The following STAC variants were observed in gnomAD, a reference collection of about 807,000 sequenced individuals.
STAC encodes the protein SH3 and cysteine-rich domain-containing protein.
In STAC, 43 loss-of-function variants were observed where a neutral mutation model predicts 48.8. The ratio of observed to expected loss-of-function variants is 0.88; its 90% CI spans 0.69 to 1.14. The LOEUF is 1.14. Among genes scored for constraint, STAC ranks in the 50% most tolerant of loss-of-function variants. The pLI is 0.00. For synonymous variants in STAC, 193 were observed against 179.5 expected, an observed-to-expected ratio of 1.07 and a Z score of -0.60; for missense variants, 497 against 504.0, an observed-to-expected ratio of 0.99 and a Z score of 0.13.
intron 5 of STAC, among the ~76,000 whole-genome samples, chr3:36,489,948 T>C (rs1697922226): frequency 6.6e-6 from 1 of 152,218 alleles, no homozygotes; most frequent in Non-Finnish European, 1.5e-5. Context: ...CAAATTTGGG[T>C]TTCTGTCTCT....
At chr3:36,435,405 G>C (rs1700809111) in intron 1 of STAC, among the ~76,000 whole-genome samples, 1 of 152,056 alleles carries the variant, frequency 6.6e-6, no homozygotes, top group African/African-American at 2.4e-5. Flanking sequence ...CCAATTTAAA[G>C]GCAACCCTTC....
chr3:36,394,973 G>A (rs1450219896), intron 1 of STAC, among the ~76,000 whole-genome samples: 2 of 151,170 alleles, frequency 1.3e-5, no homozygotes, highest in Non-Finnish European at 2.9e-5. Flanking sequence ...GAGGGAGAGA[G>A]ATAACTCAGG....
chr3:36,470,312 CA>C (rs764058662), intron 2 of STAC, among the ~76,000 whole-genome samples: 2 of 152,178 alleles, frequency 1.3e-5, no homozygotes, highest in Non-Finnish European at 2.9e-5. Context: ...TCCTGAAAGC[CA>C]AACAGTAGTG....
chr3:36,483,440 C>A (rs1188066282), intron 3 of STAC, among the ~76,000 whole-genome samples: 2 of 152,172 alleles, frequency 1.3e-5, no homozygotes, highest in East Asian at 3.9e-4. Flanking sequence ...AAGTCCCAGG[C>A]AAACTAATGG....
intron 1 of STAC, among the ~76,000 whole-genome samples, chr3:36,420,454 T>C (rs935245765): frequency 6.6e-6 from 1 of 152,156 alleles, no homozygotes; most frequent in African/African-American, 2.4e-5. Flanking sequence ...GGAACCGGGC[T>C]ACACAGCAGG....
chr3:36,443,773 A>G lies in STAC; in HGVS notation c.388+133A>G. 1 of 1,219,130 alleles carries G rather than the reference A, an allele frequency of 8.2e-7. No homozygotes were observed. Among genetic ancestry groups the G allele is most frequent in the East Asian group, 2.4e-5 (1 of 41,642 alleles). 75.5% of individuals were successfully genotyped at this position (1,219,130 alleles called of 1,614,324 possible). ...TTTACATGTGGGAAGATCATTCAGG[A>G]GTGCTTTGGGGAACAATATTTGTGA... is the stretch of plus-strand genomic sequence containing the variant. On this transcript the variant is annotated intron_variant, in intron 2 of 10. Transcript: ENST00000273183. This position sits in a 1 kb window ranked among gnomAD's most constrained non-coding sequence, Gnocchi z 4.2.
At chr3:36,522,775 C>A (rs889833801) in intron 8 of STAC, among the ~76,000 whole-genome samples, 4 of 152,196 alleles carry the variant, frequency 2.6e-5, no homozygotes, top group African/African-American at 9.7e-5. Flanking sequence ...GTGTCCTCAT[C>A]TGGAGGGTGT....
chr3:36,448,313 C>T (rs1696577364), intron 2 of STAC, among the ~76,000 whole-genome samples: 1 of 152,074 alleles, frequency 6.6e-6, no homozygotes, highest in Non-Finnish European at 1.5e-5. Context: ...CCTCCGTCTC[C>T]TGGGTTCAAG....
chr3:36,423,908 T>C (rs1309799789), intron 1 of STAC, among the ~76,000 whole-genome samples: 1 of 152,156 alleles, frequency 6.6e-6, no homozygotes, highest in African/African-American at 2.4e-5. Flanking sequence ...AAATAATCTA[T>C]TGTCCTAAAA....
chr3:36,391,277 T>C (rs1217133355), intron 1 of STAC, among the ~76,000 whole-genome samples: 2 of 152,226 alleles, frequency 1.3e-5, no homozygotes, highest in East Asian at 1.9e-4. Flanking sequence ...CCACTGGCAA[T>C]CTGTCCTCTG....
At chr3:36,456,067 GCACA>G (rs10633221) in intron 2 of STAC, among the ~76,000 whole-genome samples, 21 of 150,272 alleles carry the variant, frequency 1.4e-4, no homozygotes, top group African/African-American at 4.2e-4. Flanking sequence ...ACACACGTGC[GCACA>G]CACACACACA....
intron 1 of STAC, among the ~76,000 whole-genome samples, chr3:36,413,658 C>T (rs945980987): frequency 6.6e-6 from 1 of 152,122 alleles, no homozygotes; most frequent in Non-Finnish European, 1.5e-5. Context: ...TTAATTGGAG[C>T]ATTTAGCCCA....
chr3:36,421,878 A>G (rs906072386), intron 1 of STAC, among the ~76,000 whole-genome samples: 6 of 151,750 alleles, frequency 4.0e-5, no homozygotes, highest in African/African-American at 1.5e-4. Flanking sequence ...ACTCTTCAAG[A>G]CCCCTACTTT....
intron 1 of STAC, among the ~76,000 whole-genome samples, chr3:36,436,399 T>C (rs920005609): frequency 3.3e-5 from 5 of 152,036 alleles, no homozygotes; most frequent in Non-Finnish European, 5.9e-5. Flanking sequence ...ACCCTTAGGA[T>C]AAATTCCAAA....
intron 1 of STAC, among the ~76,000 whole-genome samples, chr3:36,442,912 G>T (rs60892100): frequency 0.015 from 2,283 of 152,244 alleles, 29 homozygotes; most frequent in African/African-American, 0.022. Flanking sequence ...AGACTCTTCT[G>T]CTTTGCTGTG....
intron 10 of STAC, among the ~76,000 whole-genome samples, chr3:36,542,481 A>G (rs1303249632): frequency 1.3e-5 from 2 of 152,046 alleles, no homozygotes; most frequent in African/African-American, 4.8e-5. Context: ...GTTCTGGTAC[A>G]CTGAATTTTT....
At chr3:36,406,018 T>C (rs929315583) in intron 1 of STAC, among the ~76,000 whole-genome samples, 8 of 152,224 alleles carry the variant, frequency 5.3e-5, no homozygotes, top group African/African-American at 9.6e-5. Flanking sequence ...CCACAACAAC[T>C]AGCAGATCTC....
chr3:36,384,344 C>A (rs1442958462), intron 1 of STAC, among the ~76,000 whole-genome samples: 1 of 152,070 alleles, frequency 6.6e-6, no homozygotes, highest in Non-Finnish European at 1.5e-5. Flanking sequence ...GATTGACACA[C>A]CTCTGTGAAC....
intron 9 of STAC, 40 bp downstream of exon 9, chr3:36,528,787 A>T (rs75665620): frequency 0.13 from 212,023 of 1,598,622 alleles, 15,111 homozygotes; most frequent in Non-Finnish European, 0.15. Flanking sequence ...AGAGAAAATC[A>T]TTTGGTAACT....
Sources: allele counts gnomAD v4.1 joint callset (sites outside exome capture counted in the v4.1 genomes callset), GRCh38; gene constraint gnomAD v4.1.1; non-coding constraint Gnocchi (gnomAD v3.1); transcripts MANE v1.5; gene names NCBI Gene and HGNC (gene_info 2026-07-23, HGNC 2026-07-21).